The following CLASRP variants were observed in gnomAD, a reference collection of about 807,000 sequenced individuals.
The protein encoded by CLASRP is CLK4-associating serine/arginine rich protein.
Under a neutral mutation model 99.9 loss-of-function variants are expected in CLASRP, and 52 were observed. That is an observed-to-expected ratio of 0.52 (90% CI 0.42 to 0.66). CLASRP has a LOEUF of 0.66. Among genes scored for constraint, CLASRP ranks in the 30% least tolerant of loss-of-function variants. The probability of loss-of-function intolerance (pLI) is 0.00; values close to 1 mark genes in which losing one functional copy is unlikely to be tolerated. For missense variants in CLASRP, 848 were observed against 999.2 expected (o/e 0.85, Z 2.04); for synonymous variants, 379 against 373.0 (o/e 1.02, Z -0.18).
At chr19:45,048,552 C>T (rs1024622802) in intron 2 of CLASRP, among the ~76,000 whole-genome samples, 4 of 151,060 alleles carry the variant, frequency 2.6e-5, no homozygotes, top group African/African-American at 9.7e-5. Flanking sequence ...AAAAATTACT[C>T]TTAAAAAGCA....
At chr19:45,052,731 T>C in intron 3 of CLASRP, 60 bp from the exon 4 acceptor site, 1 of 1,275,796 alleles carries the variant, frequency 7.8e-7, no homozygotes, top group Admixed American at 2.0e-5. Flanking sequence ...AGCAGGTGCT[T>C]TGTGTCCTGG....
chr19:45,067,749 C>G lies in CLASRP; in HGVS notation c.1667+155C>G, dbSNP rs1367776495. ...TGGGAGGGTGGATTTCAGGGGGACACAGCCCTGGCCTGGGGGGTCTGAGGA... is the reference window on the plus strand; with the variant it reads ...TGGGAGGGTGGATTTCAGGGGGACAGAGCCCTGGCCTGGGGGGTCTGAGGA... On this transcript the variant is annotated intron_variant, in intron 14 of 20. Coordinates refer to ENST00000221455, the MANE Select transcript of CLASRP (RefSeq NM_007056.3). The surrounding 1 kb of genome is among the most constrained non-coding windows in gnomAD (Gnocchi z 4.9). Among the ~76,000 whole-genome samples, 9 of 152,074 alleles carry G rather than the reference C, an allele frequency of 5.9e-5. No homozygotes were observed.
At chr19:45,057,425 T>C (rs1825992749) in intron 6 of CLASRP, among the ~76,000 whole-genome samples, 2 of 152,212 alleles carry the variant, frequency 1.3e-5, no homozygotes, top group South Asian at 2.1e-4. Flanking sequence ...AGGAGGACTC[T>C]GGGCTGTGCC....
chr19:45,043,846 G>T (rs1971862541), intron 2 of CLASRP, among the ~76,000 whole-genome samples: 1 of 152,110 alleles, frequency 6.6e-6, no homozygotes, highest in Non-Finnish European at 1.5e-5. Context: ...TGAGGCCCCA[G>T]AAGTGGCCTA....
Position 45,059,383 on chromosome 19 carries a change from C to T in CLASRP, c.710+19C>T, listed in dbSNP as rs1373278217. On this transcript the variant is annotated intron_variant, in intron 8 of 20. Coordinates refer to ENST00000221455, the MANE Select transcript of CLASRP (RefSeq NM_007056.3). ...TCGTCAGGTGAGGCCTGCCTGCTGA[C>T]ACCCCTACCCATTCTGTGGGCCCCA... The T allele has an allele frequency of 6.4e-7, 1 of 1,554,396 alleles. No homozygotes were observed. The highest frequency in any genetic ancestry group is 1.9e-5 in the Admixed American group (1 of 52,554).
intron 20 of CLASRP, 71 bp from the exon 21 acceptor site, chr19:45,070,732 A>C (rs1967222695): frequency 7.2e-7 from 1 of 1,388,330 alleles, no homozygotes; most frequent in African/African-American, 1.4e-5. Context: ...CGATCACTGA[A>C]GCATCCACGG....
At chr19:45,050,229 C>A (rs1369596772) in intron 2 of CLASRP, among the ~76,000 whole-genome samples, 1 of 151,926 alleles carries the variant, frequency 6.6e-6, no homozygotes, top group Non-Finnish European at 1.5e-5. Context: ...TGCGGCCCAA[C>A]ATGTGTCAGC....
chr19:45,059,183 A>C (rs1018321510), intron 7 of CLASRP, 85 bp from the exon 8 acceptor site: 1 of 1,193,510 alleles, frequency 8.4e-7, no homozygotes. Context: ...CGGGCGCCCC[A>C]TCATCCCCGC....
chr19:45,068,456 A>T lies in CLASRP; in HGVS notation c.1744A>T (p.Met582Leu). ...LTPQEKLKLR[M>L]QKALNRQFKA... Reference sequence around the variant, plus strand: ...GCCTCAGGAGAAGCTGAAACTGAGGATGCAGAAGGCGCTGAACAGGCAGTG... The same window carrying T: ...GCCTCAGGAGAAGCTGAAACTGAGGTTGCAGAAGGCGCTGAACAGGCAGTG... The change falls in exon 16 of 21, where the codon ATG (methionine) becomes TTG (leucine). Residue 582 changes from methionine to leucine, a missense_variant. By Grantham distance (15) the Met-to-Leu change is conservative. Around this residue, in one of 8 missense-constraint regions of CLASRP, gnomAD observed 116 missense variants for 162.7 expected, o/e 0.71. Transcript: ENST00000221455. The T allele has an allele frequency of 6.2e-7, 1 of 1,610,592 alleles. No individual in the cohort carries two copies. The highest frequency in any genetic ancestry group is 8.5e-7 in the Non-Finnish European group (1 of 1,177,946).
At position 45,068,410 on chromosome 19, in the gene CLASRP, C is replaced by T. The variant is rs750973354; in HGVS notation, c.1708-10C>T. On this transcript the variant is annotated splice_polypyrimidine_tract_variant and intron_variant, in intron 15 of 20. Transcript: ENST00000221455. ...CACCCCCTCTCCCGCCTCTTCTCCC[C>T]CCTCCCCAGCCCAAGCTGACGCCTC... The T allele has an allele frequency of 1.3e-6, 2 of 1,592,540 alleles. No individual in the cohort carries two copies. The highest frequency in any genetic ancestry group is 1.7e-6 in the Non-Finnish European group (2 of 1,160,454).
Position 45,067,407 on chromosome 19 carries a change from A to G in CLASRP, c.1480A>G (p.Ser494Gly), listed in dbSNP as rs1967111667. 3 of 1,533,772 alleles carry G rather than the reference A, an allele frequency of 2.0e-6. No individual in the cohort carries two copies. Among genetic ancestry groups the G allele is most frequent in the Non-Finnish European group, 2.6e-6 (3 of 1,143,742 alleles). The change falls in exon 14 of 21, where the codon AGC becomes GGC. Residue 494 changes from serine (S) to glycine (G), a missense_variant. Transcript: ENST00000221455. This position sits in a 1 kb window ranked among gnomAD's most constrained non-coding sequence, Gnocchi z 4.9. ...CCTCAGGCACCACAGCAGTAGCCGC[A>G]GCCGCAGCAGCTGGTCCCTCAGCCC... ...RGLRHHSSSR[S>G]RSSWSLSPSR...
At chr19:45,068,321 ACC>A (rs59705171) in intron 15 of CLASRP, 97 bp from the exon 16 acceptor site, 6,783 of 387,778 alleles carry the variant, frequency 0.017, 26 homozygotes, top group South Asian at 0.024. Context: ...TCCCCCCCCC[ACC>A]CCCCCCCCGC....
rs185683040 is a variant in CLASRP at position 45,051,302 on chromosome 19, T to C, written c.100-769T>C. Among the ~76,000 whole-genome samples the C allele has an allele frequency of 7.9e-5, 12 of 152,156 alleles. 1 individual carries two copies. The highest frequency in any genetic ancestry group is 1.5e-5 in the Non-Finnish European group (1 of 68,008). On this transcript the variant is annotated intron_variant, in intron 2 of 20. Transcript: ENST00000221455. Reference sequence around the variant, plus strand: ...CACCTCGAGAGGAACCAATAGCTTATTTCTTCAATTTCTTTTTTTTTCTCT... The same window carrying C: ...CACCTCGAGAGGAACCAATAGCTTACTTCTTCAATTTCTTTTTTTTTCTCT...
chr19:45,050,207 TG>T (rs1971996651), intron 2 of CLASRP, among the ~76,000 whole-genome samples: 1 of 39,478 alleles, frequency 2.5e-5, no homozygotes, highest in Non-Finnish European at 4.7e-5. Context: ...GGGAGTGGGG[TG>T]GGGGGTGGGG....
In CLASRP at chr19:45,067,716, CCCTGG is replaced by C. The variant is rs1425271438; in HGVS notation, c.1667+128_1667+132del. The C allele has an allele frequency of 1.1e-5, 11 of 959,350 alleles. No individual in the cohort carries two copies. Among genetic ancestry groups the C allele is most frequent in the Non-Finnish European group, 1.7e-5 (11 of 656,814 alleles). The allele number at this position is 959,350 out of a possible 1,614,324, so 59.4% of individuals were successfully genotyped here. A position where few individuals can be genotyped will look rare whatever the true frequency, so the allele number is the denominator to read the frequency against. ...GGGAGGTCTGGGGGGTGGTGTATGG[CCCTGG>C]CCTGGGAGGGTGGATTTCAGGGGGA... is the stretch of plus-strand genomic sequence containing the variant. On this transcript the variant is annotated intron_variant, in intron 14 of 20. Transcript: ENST00000221455. The surrounding 1 kb of genome is among the most constrained non-coding windows in gnomAD (Gnocchi z 4.9).
At position 45,060,509 on chromosome 19, in the gene CLASRP, CAGGG is replaced by C; in HGVS notation, c.790-40_790-37del. 6.2e-7 allele frequency: 1 copy of C among 1,612,864 alleles called. No individual in the cohort carries two copies. Among genetic ancestry groups the C allele is most frequent in the Non-Finnish European group, 8.5e-7 (1 of 1,178,876 alleles). ...AGTGGAAGGGGACAGGGGTGTGTCA[CAGGG>C]AGGGCACCCCCTCACCAACCTGGCA... On this transcript the variant is annotated intron_variant, in intron 9 of 20. Transcript: ENST00000221455. This position sits in a 1 kb window ranked among gnomAD's most constrained non-coding sequence, Gnocchi z 4.6.
intron 2 of CLASRP, among the ~76,000 whole-genome samples, chr19:45,051,174 A>G (rs1972015719): frequency 6.6e-6 from 1 of 152,124 alleles, no homozygotes; most frequent in South Asian, 2.1e-4. Flanking sequence ...TGTCCACACC[A>G]GTCTCTAAAT....
At chr19:45,063,436 C>CT (rs565600159) in intron 11 of CLASRP, among the ~76,000 whole-genome samples, 1,793 of 42,308 alleles carry the variant, frequency 0.042, 593 homozygotes, top group Non-Finnish European at 0.065. Context: ...ATCTGCTTAT[C>CT]TTTTTTTTTT....
At chr19:45,063,955 G>T (rs1261539576) in intron 11 of CLASRP, 57 bp from the exon 12 acceptor site, 1 of 1,529,142 alleles carries the variant, frequency 6.5e-7, no homozygotes, top group Non-Finnish European at 8.8e-7. Flanking sequence ...TGTGTGTGCT[G>T]TTCCCGAAGA....
Sources: gnomAD v4.1 joint callset for allele counts (sites outside exome capture counted in the v4.1 genomes callset) on GRCh38, gnomAD v4.1.1 for gene constraint, gnomAD v4.1.1 regional missense constraint, Gnocchi (gnomAD v3.1) non-coding constraint, MANE v1.5 for transcripts, NCBI Gene and HGNC (gene_info 2026-07-23, HGNC 2026-07-21) for gene names.